VANGL2: variants seen among roughly 807,000 people sequenced by gnomAD.
VANGL2 encodes the protein vang-like protein 2.
VANGL2 carries 14 observed loss-of-function variants against 50.2 expected under a neutral mutation model. The ratio of observed to expected loss-of-function variants is 0.28; its 90% CI spans 0.18 to 0.44. The LOEUF (loss-of-function observed/expected upper bound fraction) is 0.44, where lower values mean the gene tolerates loss of function less well. Among genes scored for constraint, VANGL2 ranks in the 20% least tolerant of loss-of-function variants. The pLI is 1.00. For missense variants in VANGL2, 533 were observed against 701.5 expected, an observed-to-expected ratio of 0.76 and a Z score of 2.71; for synonymous variants, 295 against 297.2, an observed-to-expected ratio of 0.99 and a Z score of 0.08.
rs1651410894 is a variant in VANGL2 at position 160,425,270 on chromosome 1, C to T, written c.1458C>T (p.Ser486=). ...IVFLLKRQDF[S]LVVSTKKVPF... ...TCCTCTTAAAACGCCAGGACTTCAG[C>T]CTGGTGGTCAGCACCAAGAAGGTCC... The change falls in exon 8 of 8, where the codon AGC becomes AGT. Residue 486 remains serine, a synonymous_variant. Transcript: ENST00000368061. 1.2e-6 allele frequency: 2 copies of T among 1,614,026 alleles called. No individual in the cohort carries two copies. Among genetic ancestry groups the T allele is most frequent in the African/African-American group, 2.7e-5 (2 of 74,904 alleles).
chr1:160,411,866 G>A (rs1650892706), intron 1 of VANGL2, among the ~76,000 whole-genome samples: 1 of 150,996 alleles, frequency 6.6e-6, no homozygotes. Flanking sequence ...TCTGGTTGGT[G>A]TGTGTGTGTG....
chr1:160,416,796 T>C (rs933838709), intron 3 of VANGL2, among the ~76,000 whole-genome samples: 2 of 152,050 alleles, frequency 1.3e-5, no homozygotes, highest in African/African-American at 2.4e-5. Context: ...GGGAGGACAG[T>C]GGGCAGAACA....
intron 1 of VANGL2, among the ~76,000 whole-genome samples, chr1:160,401,412 C>T (rs1650458488): frequency 6.6e-6 from 1 of 152,000 alleles, no homozygotes; most frequent in African/African-American, 2.4e-5. Flanking sequence ...GAGGATGGGG[C>T]TGGAGGCGGT....
intron 1 of VANGL2, among the ~76,000 whole-genome samples, chr1:160,415,131 A>G (rs1651010751): frequency 6.6e-6 from 1 of 152,096 alleles, no homozygotes; most frequent in Admixed American, 6.5e-5. Context: ...TGCTGGGGAG[A>G]TGGTATCAAG....
rs1651229437 is a variant in VANGL2 at position 160,420,483 on chromosome 1, C to T, written c.873C>T (p.Leu291=). The part of the protein sequence containing the change: ...HDFPVYNPAL[L]NLPKSVLAKK... ...TCCCTGTCTACAACCCTGCCCTCCT[C>T]AACCTGCCCAAGTCCGTCCTGGCCA... Residue 291 remains leucine, a synonymous_variant, in exon 5 of 8, where the codon CTC becomes CTT. Transcript: ENST00000368061. The T allele has an allele frequency of 6.2e-7, 1 of 1,614,012 alleles. No individual in the cohort carries two copies. Among genetic ancestry groups the T allele is most frequent in the Admixed American group, 1.7e-5 (1 of 60,012 alleles).
intron 1 of VANGL2, among the ~76,000 whole-genome samples, chr1:160,402,901 A>G (rs1372158204): frequency 6.6e-6 from 1 of 152,022 alleles, no homozygotes; most frequent in Non-Finnish European, 1.5e-5. Flanking sequence ...TTTTGCTGCC[A>G]GTGGCTGGGT....
intron 3 of VANGL2, among the ~76,000 whole-genome samples, chr1:160,416,435 G>A (rs1651063230): frequency 6.6e-6 from 1 of 152,196 alleles, no homozygotes; most frequent in Non-Finnish European, 1.5e-5. Flanking sequence ...GGTGACCTGG[G>A]CTGTATGATG....
At chr1:160,403,213 G>T (rs1650542482) in intron 1 of VANGL2, among the ~76,000 whole-genome samples, 1 of 151,748 alleles carries the variant, frequency 6.6e-6, no homozygotes, top group Admixed American at 6.6e-5. Context: ...GGCTCCCAGG[G>T]CTAGTAAGGC....
At chr1:160,416,011 A>T in intron 2 of VANGL2, 51 bp from the exon 3 acceptor site, 1 of 1,613,910 alleles carries the variant, frequency 6.2e-7, no homozygotes, top group South Asian at 1.1e-5. Context: ...TGCTGAGAAG[A>T]CCCTGGTCCA....
chr1:160,412,645 C>T (rs960978787), intron 1 of VANGL2, among the ~76,000 whole-genome samples: 1 of 152,128 alleles, frequency 6.6e-6, no homozygotes, highest in Non-Finnish European at 1.5e-5. Context: ...CTAAGTGTGT[C>T]CTTATCACGC....
At chr1:160,408,941 C>T (rs1650782887) in intron 1 of VANGL2, among the ~76,000 whole-genome samples, 2 of 152,234 alleles carry the variant, frequency 1.3e-5, no homozygotes, top group South Asian at 4.1e-4. Context: ...GGATGGGTGG[C>T]TTGCCCATAG....
In VANGL2 at chr1:160,428,030, C is replaced by T. The variant is rs1294559507; in HGVS notation, c.*2652C>T. 6.5e-6 allele frequency: 1 copy of T among 152,754 alleles called. No homozygotes were observed. The highest frequency in any genetic ancestry group is 2.4e-5 in the African/African-American group (1 of 41,428). The allele number at this position is 152,754 out of a possible 1,614,324, so 9.5% of individuals were successfully genotyped here. On this transcript the variant is annotated 3_prime_UTR_variant, in exon 8 of 8. Transcript: ENST00000368061. ...TCTCCTAAACTGGTCTTTGTGCTCT[C>T]TTTGTTTTTTCTTATTTCCCTCTTG...
chr1:160,409,467 G>GGGAAAC (rs1303723028), intron 1 of VANGL2, among the ~76,000 whole-genome samples: 1 of 152,302 alleles, frequency 6.6e-6, no homozygotes, highest in Non-Finnish European at 1.5e-5. Context: ...GAAAGGGAAA[G>GGGAAAC]GGGAAGGGGT....
chr1:160,425,369 C>G lies in VANGL2; in HGVS notation c.1557C>G (p.Thr519=). 1.3e-6 allele frequency: 2 copies of G among 1,595,576 alleles called. No homozygotes were observed. Among genetic ancestry groups the G allele is most frequent in the Non-Finnish European group, 1.7e-6 (2 of 1,172,090 alleles). ...TTGTCATGAGGCTGCAGTCTGAGAC[C>G]TCAGTGTGACTGTGCAACAGCAGGG... ...HKFVMRLQSE[T]SV is the part of the protein sequence containing the mutation. Residue 519 remains threonine (T), a synonymous_variant, in exon 8 of 8, where the codon ACC becomes ACG. Coordinates refer to ENST00000368061, the MANE Select transcript of VANGL2 (RefSeq NM_020335.3).
Position 160,419,253 on chromosome 1 carries a change from C to G in VANGL2, c.444C>G (p.Leu148=). The G allele has an allele frequency of 4.4e-6, 7 of 1,608,390 alleles. No homozygotes were observed. The highest frequency in any genetic ancestry group is 5.9e-6 in the Non-Finnish European group (7 of 1,180,004). Residue 148 remains leucine (L), a synonymous_variant, in exon 4 of 8, where the codon CTC becomes CTG. Coordinates refer to ENST00000368061, the MANE Select transcript of VANGL2 (RefSeq NM_020335.3). The surrounding 1 kb of genome is among the most constrained non-coding windows in gnomAD (Gnocchi z 5.8). ...CTTGCGGGACGGCCTGCGAGGGCCT[C>G]TTCATCTCTGTCGCCTTCAAGCTGC... ...LEPCGTACEG[L]FISVAFKLLI...
chr1:160,416,299 C>A (rs79771074), intron 3 of VANGL2, 117 bp downstream of exon 3: 1 of 1,549,802 alleles, frequency 6.5e-7, no homozygotes, highest in Non-Finnish European at 8.9e-7. Flanking sequence ...GCCATCAGAT[C>A]GGGGAGTGTG....
chr1:160,420,178 A>G (rs925566544), intron 4 of VANGL2, among the ~76,000 whole-genome samples: 3 of 152,100 alleles, frequency 2.0e-5, no homozygotes, highest in East Asian at 1.9e-4. Context: ...CCCAGGCCCA[A>G]TGCCCTTTCT....
chr1:160,424,552 G>A (rs1443168973), intron 7 of VANGL2, among the ~76,000 whole-genome samples: 2 of 152,124 alleles, frequency 1.3e-5, no homozygotes, highest in East Asian at 3.9e-4. Context: ...GAGGGCTCCG[G>A]AATTACCAGA....
At chr1:160,418,904 C>T (rs886715535) in intron 3 of VANGL2, 98 bp from the exon 4 acceptor site, 20 of 1,454,004 alleles carry the variant, frequency 1.4e-5, no homozygotes, top group East Asian at 6.9e-5. Flanking sequence ...ATGTGTTCTT[C>T]TCTGTCTCCT....
Sources: gnomAD v4.1 joint callset for allele counts (sites outside exome capture counted in the v4.1 genomes callset) on GRCh38, gnomAD v4.1.1 for gene constraint, Gnocchi (gnomAD v3.1) non-coding constraint, MANE v1.5 for transcripts, NCBI Gene and HGNC (gene_info 2026-07-23, HGNC 2026-07-21) for gene names.